The following GPR158 variants were observed in gnomAD, a reference collection of about 807,000 sequenced individuals.
GPR158 encodes metabotropic glycine receptor.
GPR158 carries 30 observed loss-of-function variants against 78.2 expected under a neutral mutation model. The ratio of observed to expected loss-of-function variants is 0.38; its 90% CI spans 0.29 to 0.52. The LOEUF (loss-of-function observed/expected upper bound fraction) is 0.52. Among genes scored for constraint, GPR158 ranks in the 20% least tolerant of loss-of-function variants. The probability of loss-of-function intolerance (pLI) is 0.83; values close to 1 mark genes in which losing one functional copy is unlikely to be tolerated. For missense variants in GPR158, 1,463 were observed against 1,523.5 expected (o/e 0.96, Z 0.66); for synonymous variants, 581 against 591.1 (o/e 0.98, Z 0.25).
At chr10:25,186,328 C>A (rs1271299846) in intron 1 of GPR158, among the ~76,000 whole-genome samples, 1 of 152,032 alleles carries the variant, frequency 6.6e-6, no homozygotes, top group Non-Finnish European at 1.5e-5. Flanking sequence ...GAAGCAAGAG[C>A]AAACACATTC....
chr10:25,324,512 A>G (rs1854999776), intron 2 of GPR158, among the ~76,000 whole-genome samples: 1 of 152,204 alleles, frequency 6.6e-6, no homozygotes, highest in Admixed American at 6.5e-5. Flanking sequence ...AAACAATTAT[A>G]AAAACTTCAA....
intron 2 of GPR158, among the ~76,000 whole-genome samples, chr10:25,335,835 A>G (rs1037595542): frequency 6.6e-6 from 1 of 152,044 alleles, no homozygotes; most frequent in African/African-American, 2.4e-5. Flanking sequence ...AAAATTGCCA[A>G]TCAGAAATAT....
chr10:25,364,382 T>C (rs1411648022), intron 2 of GPR158, among the ~76,000 whole-genome samples: 1 of 151,912 alleles, frequency 6.6e-6, no homozygotes, highest in Non-Finnish European at 1.5e-5. Context: ...TTCAACAGTA[T>C]CCTCAAATCT....
At chr10:25,533,694 T>G (rs889644120) in intron 5 of GPR158, among the ~76,000 whole-genome samples, 7 of 152,212 alleles carry the variant, frequency 4.6e-5, no homozygotes, top group Admixed American at 4.6e-4. Context: ...TTGAACAAAT[T>G]GGTCAACATT....
intron 2 of GPR158, among the ~76,000 whole-genome samples, chr10:25,363,081 T>C (rs556968277): frequency 7.8e-4 from 119 of 151,854 alleles, no homozygotes; most frequent in Non-Finnish European, 1.5e-3. Flanking sequence ...TGAAAATTGA[T>C]ATCAAGAATC....
chr10:25,592,334 C>T (rs1046327641), intron 8 of GPR158, among the ~76,000 whole-genome samples: 1 of 151,864 alleles, frequency 6.6e-6, no homozygotes, highest in African/African-American at 2.4e-5. Context: ...GCGTTTTTCC[C>T]AGCCTGTTAT....
intron 5 of GPR158, among the ~76,000 whole-genome samples, chr10:25,536,330 G>T (rs1325211184): frequency 1.3e-5 from 2 of 151,922 alleles, no homozygotes; most frequent in African/African-American, 4.8e-5. Context: ...ACATATAGTG[G>T]TTTTACTGAA....
chr10:25,211,555 T>G (rs1283814784), intron 1 of GPR158, among the ~76,000 whole-genome samples: 1 of 152,186 alleles, frequency 6.6e-6, no homozygotes, highest in Non-Finnish European at 1.5e-5. Flanking sequence ...AATCCATTCA[T>G]GAGGGCGGAG....
intron 5 of GPR158, among the ~76,000 whole-genome samples, chr10:25,489,359 A>T (rs1026227197): frequency 6.6e-6 from 1 of 152,144 alleles, no homozygotes; most frequent in African/African-American, 2.4e-5. Flanking sequence ...TTTTATTTCC[A>T]TCCCATACTT....
At chr10:25,481,870 A>G (rs1207963084) in intron 5 of GPR158, among the ~76,000 whole-genome samples, 2 of 152,038 alleles carry the variant, frequency 1.3e-5, no homozygotes, top group Non-Finnish European at 2.9e-5. Flanking sequence ...TCTATTTTTG[A>G]TTTTTGAATG....
chr10:25,596,079 TAGAG>T (rs1387010468), intron 9 of GPR158, among the ~76,000 whole-genome samples: 36 of 152,224 alleles, frequency 2.4e-4, no homozygotes, highest in Middle Eastern at 6.8e-3. Context: ...GTATTTTAGA[TAGAG>T]GTAAGTGCCA....
At chr10:25,379,161 A>G (rs1182302056) in intron 2 of GPR158, among the ~76,000 whole-genome samples, 2 of 152,128 alleles carry the variant, frequency 1.3e-5, no homozygotes, top group Non-Finnish European at 2.9e-5. Context: ...TATTACTATT[A>G]CCATCTTCTA....
intron 2 of GPR158, among the ~76,000 whole-genome samples, chr10:25,257,819 A>T (rs1853911359): frequency 6.6e-6 from 1 of 152,188 alleles, no homozygotes; most frequent in Admixed American, 6.5e-5. Context: ...TATATCACTT[A>T]CGCAAGTAGG....
At chr10:25,316,877 A>G (rs931501276) in intron 2 of GPR158, among the ~76,000 whole-genome samples, 2 of 144,172 alleles carry the variant, frequency 1.4e-5, no homozygotes, top group Non-Finnish European at 3.0e-5. Flanking sequence ...TTATATATGT[A>G]TGTATGTATT....
chr10:25,510,288 T>C (rs948810411), intron 5 of GPR158, among the ~76,000 whole-genome samples: 5 of 152,158 alleles, frequency 3.3e-5, no homozygotes, highest in African/African-American at 4.8e-5. Context: ...GTACCTTTAT[T>C]TGATAAAATA....
chr10:25,292,070 A>G (rs1447928583), intron 2 of GPR158, among the ~76,000 whole-genome samples: 1 of 152,056 alleles, frequency 6.6e-6, no homozygotes, highest in Non-Finnish European at 1.5e-5. Flanking sequence ...GTAGTTAGAT[A>G]CACACCCACA....
At chr10:25,543,250 A>T (rs1052756959) in intron 5 of GPR158, among the ~76,000 whole-genome samples, 2 of 152,010 alleles carry the variant, frequency 1.3e-5, no homozygotes, top group African/African-American at 4.8e-5. Context: ...TCCCCCAAGT[A>T]GCTGGGATTA....
At chr10:25,399,826 G>C (rs1834416587) in intron 3 of GPR158, among the ~76,000 whole-genome samples, 1 of 151,966 alleles carries the variant, frequency 6.6e-6, no homozygotes, top group African/African-American at 2.4e-5. Context: ...AATTTATTAG[G>C]CCTCTTCATC....
chr10:25,459,660 C>T (rs1455317470), intron 4 of GPR158, among the ~76,000 whole-genome samples: 1 of 152,192 alleles, frequency 6.6e-6, no homozygotes, highest in South Asian at 2.1e-4. Flanking sequence ...GCATTCTTCT[C>T]TTCTTATTAC....
Sources: allele counts gnomAD v4.1 joint callset (sites outside exome capture counted in the v4.1 genomes callset), GRCh38; gene constraint gnomAD v4.1.1; transcripts MANE v1.5; gene names NCBI Gene and HGNC (gene_info 2026-07-23, HGNC 2026-07-21).